The following ABR variants were observed in gnomAD, a reference collection of about 807,000 sequenced individuals.
ABR encodes active breakpoint cluster region-related protein.
In ABR, 35 loss-of-function variants were observed where a neutral mutation model predicts 107.2. That is an observed-to-expected ratio of 0.33 (90% confidence interval 0.25 to 0.43). The LOEUF is 0.43. Among genes scored for constraint, ABR ranks in the 20% least tolerant of loss-of-function variants. The pLI is 1.00. For synonymous variants in ABR, 498 were observed against 462.0 expected (o/e 1.08, Z -1.00); for missense variants, 815 against 1,115.2 (o/e 0.73, Z 3.83).
Position 1,003,966 on chromosome 17 carries a change from A to C in ABR, c.*2114T>G, listed in dbSNP as rs2069840894. The stretch of plus-strand genomic sequence containing the variant: ...TGACCCTCCCCACTCTGGGGGTGGG[A>C]TTTATAAATATGAGCCTTTGCATTT... On this transcript the variant is annotated 3_prime_UTR_variant, in exon 23 of 23. Coordinates refer to ENST00000302538, the MANE Select transcript of ABR (RefSeq NM_021962.5). The C allele has an allele frequency of 6.6e-6, 1 of 152,230 alleles. No homozygotes were observed. The highest frequency in any genetic ancestry group is 2.4e-5 in the African/African-American group (1 of 41,438). 9.4% of individuals were successfully genotyped at this position (152,230 alleles called of 1,614,324 possible). A position where few individuals can be genotyped will look rare whatever the true frequency, so the allele number is the denominator to read the frequency against.
chr17:1,095,151 G>A (rs1382939365), intron 3 of ABR, among the ~76,000 whole-genome samples: 1 of 152,226 alleles, frequency 6.6e-6, no homozygotes, highest in Non-Finnish European at 1.5e-5. Flanking sequence ...AGGAAGGTCA[G>A]CAGTCCCAGG....
intron 16 of ABR, among the ~76,000 whole-genome samples, chr17:1,049,427 A>C (rs1284968819): frequency 6.6e-6 from 1 of 152,076 alleles, no homozygotes; most frequent in Non-Finnish European, 1.5e-5. Context: ...CGGCCTCCCA[A>C]GGTGCTGGGA....
At chr17:1,009,272 C>T (rs1018004566) in intron 21 of ABR, among the ~76,000 whole-genome samples, 1 of 138,356 alleles carries the variant, frequency 7.2e-6, no homozygotes, top group Non-Finnish European at 1.6e-5. Context: ...TGTCCACCCC[C>T]CACTGCTGTC....
chr17:1,031,974 G>A (rs957128352), intron 16 of ABR: 43 of 764,392 alleles, frequency 5.6e-5, no homozygotes, highest in Admixed American at 1.5e-4. Context: ...CAGGCTGAGC[G>A]CCGCCTCCCA....
chr17:1,075,776 TCACGC>T (rs1385665026), intron 6 of ABR, among the ~76,000 whole-genome samples: 1 of 152,232 alleles, frequency 6.6e-6, no homozygotes, highest in Non-Finnish European at 1.5e-5. Context: ...GCAGGGTGGC[TCACGC>T]CTGTAATCCC....
At chr17:1,117,787 C>T (rs1240355507) in intron 2 of ABR, among the ~76,000 whole-genome samples, 238 of 26,372 alleles carry the variant, frequency 9.0e-3, no homozygotes, top group East Asian at 0.027. Context: ...CCTGAGTTCT[C>T]CCCAGCGTTA....
chr17:1,021,535 G>A (rs762031367), intron 16 of ABR, among the ~76,000 whole-genome samples: 23 of 152,370 alleles, frequency 1.5e-4, no homozygotes, highest in Non-Finnish European at 2.4e-4. Flanking sequence ...GCCAGGTGCG[G>A]TGGCTCACGC....
In ABR at chr17:1,214,359, TCCATGAGTAA is replaced by T. The variant is rs1457310407; in HGVS notation, c.838+14424_838+14433del. On this transcript the variant is annotated intron_variant, in intron 1 of 22. Coordinates refer to the ABR transcript ENST00000574139. ...TGTGTGTATATATATATATTTCCTC[TCCATGAGTAA>T]CCACCACCCCAGGGATGACTTAGGC... is the stretch of plus-strand genomic sequence containing the variant. 3.9e-5 allele frequency among the ~76,000 whole-genome samples: 6 copies of T among 152,244 alleles called. No homozygotes were observed. The East Asian group carries it at 1.2e-3, about 29-fold the overall frequency.
intron 4 of ABR, 160 bp from the exon 5 acceptor site, chr17:1,083,787 A>G (rs2036419307): frequency 4.7e-6 from 3 of 639,142 alleles, no homozygotes; most frequent in African/African-American, 1.8e-5. Flanking sequence ...AACATATTAC[A>G]GTGTCCCTTT....
chr17:1,223,330 G>C (rs1333159759), intron 1 of ABR, among the ~76,000 whole-genome samples: 15 of 69,170 alleles, frequency 2.2e-4, no homozygotes, highest in South Asian at 4.4e-4. Context: ...CACACACAGA[G>C]ACACGAATAC....
chr17:1,054,492 C>CTGAGGGGATGGGG lies in ABR; in HGVS notation c.1561+1542_1561+1543insCCCCATCCCCTCA, dbSNP rs1421341700. Among the ~76,000 whole-genome samples the CTGAGGGGATGGGG allele has an allele frequency of 1.7e-4, 25 of 148,600 alleles. 1 individual carries two copies. Among genetic ancestry groups the CTGAGGGGATGGGG allele is most frequent in the African/African-American group, 5.9e-4 (23 of 39,020 alleles). ...CTCAGGGGATGGGGGCACAAGGAAC[C>CTGAGGGGATGGGG]TCAAAGGGATGGGGATACAAGGAAC... On this transcript the variant is annotated intron_variant, in intron 14 of 22. Coordinates refer to ENST00000302538, the MANE Select transcript of ABR (RefSeq NM_021962.5).
At chr17:1,194,811 G>A (rs2042518448) in intron 1 of ABR, among the ~76,000 whole-genome samples, 1 of 124,094 alleles carries the variant, frequency 8.1e-6, no homozygotes, top group South Asian at 3.0e-4. Context: ...GTGCCACCAT[G>A]CCCTAAAAAT....
In ABR at chr17:1,011,501, G is replaced by T. The variant is rs1054756151; in HGVS notation, c.2101+345C>A. ...GGACCTGGGGCCCTGGAGACAGCAG[G>T]TGCAGGCTCAAAGCTCTTTCCCTGC... On this transcript the variant is annotated intron_variant, in intron 19 of 22. Transcript: ENST00000302538. The surrounding 1 kb of genome is among the most constrained non-coding windows in gnomAD (Gnocchi z 4.8). The T allele has an allele frequency of 5.3e-6, 1 of 187,582 alleles. No homozygotes were observed. The highest frequency in any genetic ancestry group is 1.5e-4 in the South Asian group (1 of 6,566). 11.6% of individuals were successfully genotyped at this position (187,582 alleles called of 1,614,324 possible). A position where few individuals can be genotyped will look rare whatever the true frequency, so the allele number is the denominator to read the frequency against.
In ABR at chr17:1,050,431, G is replaced by A. The variant is rs111534873; in HGVS notation, c.1659+106C>T. On this transcript the variant is annotated intron_variant, in intron 15 of 22. Coordinates refer to ENST00000302538, the MANE Select transcript of ABR (RefSeq NM_021962.5). This position sits in a 1 kb window ranked among gnomAD's most constrained non-coding sequence, Gnocchi z 4.6. ...CAGAGGAGCAGGGAGCAGAAAGGGG[G>A]GTGCAGACATAGCTGGTCCAACCAA... The A allele has an allele frequency of 8.9e-5, 99 of 1,112,968 alleles. No homozygotes were observed. In the African/African-American group the frequency reaches 1.2e-3, roughly 13 times the overall value. 68.9% of individuals were successfully genotyped at this position (1,112,968 alleles called of 1,614,324 possible). A position where few individuals can be genotyped will look rare whatever the true frequency, so the allele number is the denominator to read the frequency against.
Position 1,209,897 on chromosome 17 carries a change from G to A in ABR, c.838+18896C>T, listed in dbSNP as rs1342914448. 5.3e-5 allele frequency among the ~76,000 whole-genome samples: 8 copies of A among 152,236 alleles called. No individual in the cohort carries two copies. In the East Asian group the frequency reaches 1.5e-3, roughly 29 times the overall value. ...AGTTGCATTTATCAAAGTCCAGCAGGTATCCCCAGTTATTTACAAATTCAG... is the reference window on the plus strand; with the variant it reads ...AGTTGCATTTATCAAAGTCCAGCAGATATCCCCAGTTATTTACAAATTCAG... On this transcript the variant is annotated intron_variant, in intron 1 of 22. Coordinates refer to the ABR transcript ENST00000574139.
intron 16 of ABR, among the ~76,000 whole-genome samples, chr17:1,035,342 C>T (rs1238138809): frequency 1.7e-5 from 2 of 116,918 alleles, no homozygotes; most frequent in African/African-American, 6.5e-5. Flanking sequence ...TAAACCTGCT[C>T]CCCCCCACCC....
chr17:1,068,222 C>T (rs958666494), intron 9 of ABR, among the ~76,000 whole-genome samples: 5 of 152,230 alleles, frequency 3.3e-5, no homozygotes, highest in East Asian at 3.8e-4. Flanking sequence ...CATAAGCCAC[C>T]GTGCCCGCCC....
rs369724938 is a variant in ABR at position 1,125,233 on chromosome 17, C to A, written c.196G>T (p.Gly66Cys). The A allele has an allele frequency of 7.4e-5, 119 of 1,610,608 alleles. No homozygotes were observed. Among genetic ancestry groups the A allele is most frequent in the Non-Finnish European group, 9.9e-5 (117 of 1,178,022 alleles). ...MSPQLSARSQ[G>C]GGDGVSPTPP... Reference sequence around the variant, plus strand: ...GTCGGGGAGACGCCATCCCCCCCGCCCTGGCTGCGGGCGCTGAGCTGCGGG... The same window carrying A: ...GTCGGGGAGACGCCATCCCCCCCGCACTGGCTGCGGGCGCTGAGCTGCGGG... Residue 66 changes from glycine to cysteine, a missense_variant, in exon 2 of 23, where the codon GGC (glycine) becomes TGC (cysteine). Coordinates refer to ENST00000302538, the MANE Select transcript of ABR (RefSeq NM_021962.5).
At chr17:1,202,980 G>A (rs547362338) in intron 1 of ABR, among the ~76,000 whole-genome samples, 73 of 149,314 alleles carry the variant, frequency 4.9e-4, no homozygotes, top group African/African-American at 1.8e-3. Flanking sequence ...TCCGCCTCCC[G>A]AGTTCAAGCA....
Sources: gnomAD v4.1 joint callset for allele counts (sites outside exome capture counted in the v4.1 genomes callset) on GRCh38, gnomAD v4.1.1 for gene constraint, Gnocchi (gnomAD v3.1) non-coding constraint, MANE v1.5 for transcripts, NCBI Gene and HGNC (gene_info 2026-07-23, HGNC 2026-07-21) for gene names.